The following CWH43 variants were observed in gnomAD, a reference collection of about 807,000 sequenced individuals.
CWH43 encodes the protein PGAP2-interacting protein.
A neutral mutation model predicts 85.7 loss-of-function variants in CWH43; 91 were observed. That is an observed-to-expected ratio of 1.06 (90% CI 0.90 to 1.26). The LOEUF (loss-of-function observed/expected upper bound fraction) is 1.26, where lower values mean the gene tolerates loss of function less well. CWH43 is among the 50% of genes most tolerant of loss of function. CWH43 has a pLI of 0.00. For synonymous variants in CWH43, 323 were observed against 293.6 expected (o/e 1.10, Z -1.02); for missense variants, 869 against 839.2 (o/e 1.04, Z -0.44).
chr4:49,059,846 G>C (rs1785087804), intron 15 of CWH43, among the ~76,000 whole-genome samples: 1 of 152,094 alleles, frequency 6.6e-6, no homozygotes, highest in African/African-American at 2.4e-5. Flanking sequence ...TCCTGGGGTA[G>C]ATGTGTGGGG....
rs186601934 is a variant in CWH43, at chr4:49,049,137, C to A, written c.1866-1557C>A. Among the ~76,000 whole-genome samples the A allele has an allele frequency of 2.1e-3, 316 of 152,274 alleles. 1 individual carries two copies. Among genetic ancestry groups the A allele is most frequent in the African/African-American group, 7.2e-3 (301 of 41,552 alleles). On this transcript the variant is annotated intron_variant, in intron 14 of 15. Coordinates refer to ENST00000226432, the MANE Select transcript of CWH43 (RefSeq NM_025087.3). ...ATAAATAACCTAGATTTGCTAAAGA[C>A]AGTGACCTAGAATTACACAGAAGTG...
intron 9 of CWH43, among the ~76,000 whole-genome samples, chr4:49,023,478 G>A (rs1372043344): frequency 2.0e-5 from 3 of 152,112 alleles, no homozygotes; most frequent in Admixed American, 2.0e-4. Flanking sequence ...AGGTTCAAGT[G>A]ATTCTCCTGC....
Position 49,032,610 on chromosome 4 carries a change from A to G in CWH43, c.1553A>G (p.His518Arg), listed in dbSNP as rs2109808525. Residue 518 changes from histidine (H) to arginine (R), a missense_variant, in exon 12 of 16, where the codon CAC becomes CGC. By Grantham distance (29) the His-to-Arg change is conservative (BLOSUM62 0). Transcript: ENST00000226432. The stretch of plus-strand genomic sequence containing the variant: ...TACCCAATTGTGAAATCTGAGCATC[A>G]CCTTCTTCCGTCACCAGAGGGCGAG... Reference protein sequence around the residue: ...SRYPIVKSEHHLLPSPEGEIA... With the variant: ...SRYPIVKSEHRLLPSPEGEIA... The G allele has an allele frequency of 6.2e-7, 1 of 1,613,964 alleles. No individual in the cohort carries two copies. Among genetic ancestry groups the G allele is most frequent in the African/African-American group, 1.3e-5 (1 of 75,002 alleles).
At position 48,999,813 on chromosome 4, in the gene CWH43, G is replaced by T. The variant is rs1448266283; in HGVS notation, c.802+1265G>T. On this transcript the variant is annotated intron_variant, in intron 6 of 15. Transcript: ENST00000226432. ...AGGGGAGCTCCCAGCCTTCCACCCA[G>T]CTGTAGGGTCCATGTCTGCTTACTC... Among the ~76,000 whole-genome samples, 6 of 152,072 alleles carry T rather than the reference G, an allele frequency of 3.9e-5. No individual in the cohort carries two copies. In the East Asian group the frequency reaches 1.2e-3, roughly 29 times the overall value.
chr4:49,051,729 CT>C (rs1159519072), intron 15 of CWH43, among the ~76,000 whole-genome samples: 1 of 152,000 alleles, frequency 6.6e-6, no homozygotes, highest in Non-Finnish European at 1.5e-5. Context: ...GGTGCACGCC[CT>C]GATGCCTGGC....
At chr4:49,006,764 G>C (rs1401580677) in intron 7 of CWH43, among the ~76,000 whole-genome samples, 1 of 152,104 alleles carries the variant, frequency 6.6e-6, no homozygotes, top group Non-Finnish European at 1.5e-5. Context: ...TCACATCCTG[G>C]GGCAGAATTA....
chr4:49,004,783 AT>A (rs1202501564), intron 7 of CWH43, among the ~76,000 whole-genome samples: 1 of 152,234 alleles, frequency 6.6e-6, no homozygotes, highest in African/African-American at 2.4e-5. Context: ...TATATTTACC[AT>A]TTTAGTGGTT....
chr4:49,023,783 G>C (rs1012115508), intron 9 of CWH43, among the ~76,000 whole-genome samples: 4 of 152,138 alleles, frequency 2.6e-5, no homozygotes, highest in African/African-American at 9.7e-5. Context: ...GGTCTATCTT[G>C]GAGAATGGTG....
At chr4:48,995,897 C>A (rs906608968) in intron 5 of CWH43, among the ~76,000 whole-genome samples, 1 of 152,138 alleles carries the variant, frequency 6.6e-6, no homozygotes, top group Non-Finnish European at 1.5e-5. Flanking sequence ...CCACATGGTT[C>A]CAGAATGATC....
At chr4:49,058,384 T>A (rs1785033964) in intron 15 of CWH43, among the ~76,000 whole-genome samples, 1 of 152,214 alleles carries the variant, frequency 6.6e-6, no homozygotes, top group Non-Finnish European at 1.5e-5. Context: ...CTACATTTTA[T>A]GTTATTGATG....
At chr4:49,023,778 A>C (rs555644643) in intron 9 of CWH43, among the ~76,000 whole-genome samples, 1 of 152,348 alleles carries the variant, frequency 6.6e-6, no homozygotes, top group East Asian at 1.9e-4. Flanking sequence ...CATATGGTCT[A>C]TCTTGGAGAA....
chr4:49,055,652 C>T (rs527498371), intron 15 of CWH43, among the ~76,000 whole-genome samples: 13 of 151,150 alleles, frequency 8.6e-5, no homozygotes, highest in Admixed American at 2.6e-4. Flanking sequence ...TGCAATGGCA[C>T]GATCTCAGCT....
intron 15 of CWH43, among the ~76,000 whole-genome samples, chr4:49,060,586 A>C (rs962820007): frequency 1.1e-4 from 16 of 152,276 alleles, no homozygotes; most frequent in African/African-American, 3.4e-4. Flanking sequence ...GAGAGTATCT[A>C]TCTCTCTACT....
At chr4:49,040,193 C>T (rs1434871562) in intron 13 of CWH43, among the ~76,000 whole-genome samples, 1 of 152,096 alleles carries the variant, frequency 6.6e-6, no homozygotes, top group Non-Finnish European at 1.5e-5. Flanking sequence ...GTGAATAGTG[C>T]CGCAATAAAC....
intron 12 of CWH43, among the ~76,000 whole-genome samples, chr4:49,036,120 C>G (rs142086264): frequency 6.6e-6 from 1 of 152,250 alleles, no homozygotes; most frequent in East Asian, 1.9e-4. Context: ...CAAGGGACCA[C>G]CTGGCATAGA....
Position 49,003,994 on chromosome 4 carries a change from T to C in CWH43, c.1060+2T>C, listed in dbSNP as rs1206068911. The C allele has an allele frequency of 1.9e-6, 3 of 1,605,066 alleles. No homozygotes were observed. Among genetic ancestry groups the C allele is most frequent in the East Asian group, 2.2e-5 (1 of 44,824 alleles). Reference sequence around the variant, plus strand: ...GAGAAAGATCAGATGTGCTTTTGGGTGAGTACATTTGAAAGGTCTGGATTA... The same window carrying C: ...GAGAAAGATCAGATGTGCTTTTGGGCGAGTACATTTGAAAGGTCTGGATTA... On this transcript the variant is annotated splice_donor_variant, in intron 7 of 15. Transcript: ENST00000226432. LOFTEE classifies it high-confidence loss of function.
At chr4:49,053,643 T>C (rs1784864781) in intron 15 of CWH43, among the ~76,000 whole-genome samples, 1 of 152,164 alleles carries the variant, frequency 6.6e-6, no homozygotes, top group Non-Finnish European at 1.5e-5. Flanking sequence ...TTTGCTTTCT[T>C]GCTATTAAGT....
chr4:49,031,032 G>T, intron 11 of CWH43, 72 bp downstream of exon 11: 1 of 1,376,972 alleles, frequency 7.3e-7, no homozygotes, highest in Non-Finnish European at 9.6e-7. Context: ...GGAGTGGCAA[G>T]TTGATATTGT....
At chr4:49,001,891 C>G (rs1783003694) in intron 6 of CWH43, among the ~76,000 whole-genome samples, 1 of 152,036 alleles carries the variant, frequency 6.6e-6, no homozygotes, top group East Asian at 1.9e-4. Flanking sequence ...AAAATTCAAC[C>G]TCACTAACAG....
Sources: allele counts gnomAD v4.1 joint callset (sites outside exome capture counted in the v4.1 genomes callset), GRCh38; gene constraint gnomAD v4.1.1; transcripts MANE v1.5; gene names NCBI Gene and HGNC (gene_info 2026-07-23, HGNC 2026-07-21).